Variants in CDC42BPA observed in about 807,000 individuals in gnomAD.
The protein encoded by CDC42BPA is serine/threonine-protein kinase MRCK alpha.
A neutral mutation model predicts 223.5 loss-of-function variants in CDC42BPA; 80 were observed. That is an observed-to-expected ratio of 0.36 (90% CI 0.30 to 0.43). The LOEUF is 0.43. CDC42BPA is among the 20% of genes least tolerant of loss of function. CDC42BPA has a pLI of 1.00. For missense variants in CDC42BPA, 1,743 were observed against 2,099.9 expected (o/e 0.83, Z 3.32); for synonymous variants, 694 against 718.6 (o/e 0.97, Z 0.55).
chr1:227,193,967 AACTAAT>A, intron 4 of CDC42BPA, 33 bp from the exon 5 acceptor site: 2 of 1,525,340 alleles, frequency 1.3e-6, no homozygotes, highest in Non-Finnish European at 1.8e-6. Context: ...GTACTCAGTA[AACTAAT>A]AAGGGTGAAA....
At chr1:227,212,320 G>A (rs1429816738) in intron 3 of CDC42BPA, among the ~76,000 whole-genome samples, 2 of 152,032 alleles carry the variant, frequency 1.3e-5, no homozygotes, top group African/African-American at 2.4e-5. Context: ...TACAAGTACT[G>A]ACAGATAAAG....
In CDC42BPA at chr1:227,191,306, C is replaced by T. The variant is rs531671319; in HGVS notation, c.599+2480G>A. On this transcript the variant is annotated intron_variant, in intron 5 of 36. Coordinates refer to ENST00000366766, the MANE Select transcript of CDC42BPA (RefSeq NM_001394014.1). ...GCTGCAGTGAGCCAAGATCGCACCA[C>T]GGCACTCCAGCTTGGGCAACAAGAG... is the stretch of plus-strand genomic sequence containing the variant. Among the ~76,000 whole-genome samples, 11 of 145,018 alleles carry T rather than the reference C, an allele frequency of 7.6e-5. No homozygotes were observed. In the East Asian group the frequency reaches 1.2e-3, roughly 16 times the overall value.
intron 24 of CDC42BPA, among the ~76,000 whole-genome samples, chr1:227,039,911 C>T (rs543456057): frequency 6.6e-6 from 1 of 152,080 alleles, no homozygotes; most frequent in South Asian, 2.1e-4. Flanking sequence ...AATTTAATAA[C>T]AAAACAAAGA....
At chr1:227,038,907 G>T (rs576835964) in intron 24 of CDC42BPA, among the ~76,000 whole-genome samples, 1 of 152,316 alleles carries the variant, frequency 6.6e-6, no homozygotes, top group Admixed American at 6.5e-5. Context: ...CATTTTGCTT[G>T]TTGGCTTTCT....
At chr1:227,059,551 ATTTTTAGG>A in intron 21 of CDC42BPA, 1 of 747,614 alleles carries the variant, frequency 1.3e-6, no homozygotes, top group Non-Finnish European at 2.2e-6. Context: ...ATGTACATGT[ATTTTTAGG>A]AAAAACTGGA....
chr1:227,022,029 AAAAAAT>A (rs1186396174), intron 32 of CDC42BPA, among the ~76,000 whole-genome samples: 1 of 124,852 alleles, frequency 8.0e-6, no homozygotes, highest in African/African-American at 2.9e-5. Context: ...CCCCGCAAAA[AAAAAAT>A]AAAATAAAAA....
chr1:227,288,590 G>A (rs1428795889), intron 1 of CDC42BPA, among the ~76,000 whole-genome samples: 2 of 152,066 alleles, frequency 1.3e-5, no homozygotes, highest in Non-Finnish European at 2.9e-5. Context: ...CAGCTATTGG[G>A]GAGGCTGAGG....
chr1:227,252,455 G>A (rs1332400268), intron 2 of CDC42BPA, among the ~76,000 whole-genome samples: 3 of 152,088 alleles, frequency 2.0e-5, no homozygotes, highest in Admixed American at 6.6e-5. Flanking sequence ...AATCTTGTAA[G>A]CATATCAGGA....
intron 31 of CDC42BPA, among the ~76,000 whole-genome samples, chr1:227,025,630 T>C (rs758266023): frequency 1.2e-4 from 19 of 152,178 alleles, no homozygotes; most frequent in Non-Finnish European, 2.4e-4. Flanking sequence ...TTATGGACAC[T>C]TAAACAGTTT....
In CDC42BPA at chr1:227,119,924, C is replaced by A; in HGVS notation, c.1527G>T (p.Leu509Phe). The change falls in exon 12 of 37, where the codon TTG (leucine) becomes TTT (phenylalanine). Residue 509 changes from leucine (L) to phenylalanine (F), a missense_variant. Physicochemically the swap from Leu to Phe is conservative, Grantham distance 22. Transcript: ENST00000366766. ...CATTAGCTTCTTCAAGTTGCTGTTC[C>A]AAATGACTTGATTCTAAAAACAAAA... ...LRKQVTESSHLEQQLEEANAV... is the reference protein window; with the variant it reads ...LRKQVTESSHFEQQLEEANAV... The A allele has an allele frequency of 6.3e-7, 1 of 1,588,038 alleles. No individual in the cohort carries two copies. The highest frequency in any genetic ancestry group is 8.5e-7 in the Non-Finnish European group (1 of 1,170,330).
chr1:226,994,805 G>A lies in CDC42BPA; in HGVS notation c.5133+18C>T, dbSNP rs746971062. 6.9e-5 allele frequency: 111 copies of A among 1,598,348 alleles called. No homozygotes were observed. The highest frequency in any genetic ancestry group is 3.3e-4 in the Middle Eastern group (2 of 5,980). ...AGTCTTTCTGATACATGACGTCTCC[G>A]GAACCCTGCCCACTCACCTCTCCGT... On this transcript the variant is annotated intron_variant, in intron 36 of 36. Coordinates refer to ENST00000366766, the MANE Select transcript of CDC42BPA (RefSeq NM_001394014.1). The surrounding 1 kb of genome is among the most constrained non-coding windows in gnomAD (Gnocchi z 4.0).
intron 1 of CDC42BPA, among the ~76,000 whole-genome samples, chr1:227,292,962 A>G (rs1239284436): frequency 6.6e-6 from 1 of 152,134 alleles, no homozygotes; most frequent in Non-Finnish European, 1.5e-5. Context: ...ATTTTACTAT[A>G]TTCCCCCCAA....
At chr1:227,203,479 C>G (rs1352159110) in intron 3 of CDC42BPA, among the ~76,000 whole-genome samples, 1 of 152,094 alleles carries the variant, frequency 6.6e-6, no homozygotes, top group Non-Finnish European at 1.5e-5. Flanking sequence ...CACATATACC[C>G]TGGGTATATA....
intron 12 of CDC42BPA, among the ~76,000 whole-genome samples, chr1:227,118,334 A>T (rs1688093396): frequency 1.3e-5 from 2 of 152,196 alleles, no homozygotes; most frequent in South Asian, 4.1e-4. Flanking sequence ...AGAAGTAAAC[A>T]TCAAAACCAT....
chr1:227,036,288 A>G (rs894382923), intron 24 of CDC42BPA, among the ~76,000 whole-genome samples: 1 of 152,162 alleles, frequency 6.6e-6, no homozygotes, highest in African/African-American at 2.4e-5. Context: ...CAAACATCTC[A>G]ATGCACTTTA....
At chr1:227,286,542 TC>T (rs1688834987) in intron 1 of CDC42BPA, among the ~76,000 whole-genome samples, 1 of 152,206 alleles carries the variant, frequency 6.6e-6, no homozygotes, top group African/African-American at 2.4e-5. Context: ...TGCCCTGTCT[TC>T]CTATCATCTT....
chr1:227,290,519 AATAGAATTT>A (rs982788608), intron 1 of CDC42BPA, among the ~76,000 whole-genome samples: 40 of 108,652 alleles, frequency 3.7e-4, no homozygotes, highest in African/African-American at 1.2e-3. Flanking sequence ...ACACAGATAT[AATAGAATTT>A]ATTTGTCCTA....
chr1:227,258,304 A>T (rs747400087), intron 1 of CDC42BPA, among the ~76,000 whole-genome samples: 1 of 151,024 alleles, frequency 6.6e-6, no homozygotes, highest in Non-Finnish European at 1.5e-5. Context: ...AAACAAAGGC[A>T]TCCTTAAACC....
At chr1:227,068,710 C>T (rs773496044) in intron 21 of CDC42BPA, 32 of 1,130,634 alleles carry the variant, frequency 2.8e-5, no homozygotes, top group Middle Eastern at 2.5e-4. Context: ...TCCTATTTAA[C>T]GAATACAGCA....
Sources: allele counts gnomAD v4.1 joint callset (sites outside exome capture counted in the v4.1 genomes callset), GRCh38; gene constraint gnomAD v4.1.1; non-coding constraint Gnocchi (gnomAD v3.1); transcripts MANE v1.5; gene names NCBI Gene and HGNC (gene_info 2026-07-23, HGNC 2026-07-21).